The following MBOAT2 variants were observed in gnomAD, a reference collection of about 807,000 sequenced individuals.
The protein encoded by MBOAT2 is membrane-bound glycerophospholipid O-acyltransferase 2.
A neutral mutation model predicts 63.4 loss-of-function variants in MBOAT2; 28 were observed. The observed-to-expected ratio is 0.44, with a 90% confidence interval of 0.33 to 0.61. The LOEUF is 0.61. MBOAT2 is among the 20% of genes least tolerant of loss of function. The pLI is 0.03. For missense variants in MBOAT2, 470 were observed against 605.8 expected (o/e 0.78, Z 2.35); for synonymous variants, 211 against 215.6 (o/e 0.98, Z 0.19).
intron 5 of MBOAT2, among the ~76,000 whole-genome samples, chr2:8,887,687 A>C (rs2148549436): frequency 6.6e-6 from 1 of 152,308 alleles, no homozygotes; most frequent in Middle Eastern, 3.4e-3. Flanking sequence ...TATAATAAAA[A>C]TTTAACGAGG....
chr2:8,995,590 AT>A lies in MBOAT2; in HGVS notation c.75+7949del, dbSNP rs34038834. On this transcript the variant is annotated intron_variant, in intron 1 of 12. Coordinates refer to ENST00000305997, the MANE Select transcript of MBOAT2 (RefSeq NM_138799.4). Reference sequence around the variant, plus strand: ...TAAACATTTTTTAAAAATACATTCCATTTTTTTTTTTTTTTTTTGAGACGGA... The same window carrying A: ...TAAACATTTTTTAAAAATACATTCCATTTTTTTTTTTTTTTTTGAGACGGA... 4.4e-3 allele frequency among the ~76,000 whole-genome samples: 590 copies of A among 134,374 alleles called. 1 individual carries two copies. Among genetic ancestry groups the A allele is most frequent in the African/African-American group, 8.2e-3 (286 of 34,904 alleles). The allele number at this position is 134,374 out of a possible 152,430, so 88.2% of individuals were successfully genotyped here.
In MBOAT2 at chr2:8,877,213, C is replaced by A; in HGVS notation, c.507G>T (p.Arg169Ser). The A allele has an allele frequency of 6.2e-7, 1 of 1,608,270 alleles. No individual in the cohort carries two copies. The highest frequency in any genetic ancestry group is 8.5e-7 in the Non-Finnish European group (1 of 1,177,776). The change falls in exon 7 of 13, where the codon AGG (arginine) becomes AGT (serine). Residue 169 changes from arginine to serine, a missense_variant and splice_region_variant. Physicochemically the swap from Arg to Ser is moderately radical, Grantham distance 110. Coordinates refer to ENST00000305997, the MANE Select transcript of MBOAT2 (RefSeq NM_138799.4). ...AATACTCCAGTAAGCTTGGCATGCG[C>A]CTGCAATGAAAAGACATGCAACCAG... ...LTSSQRDLAVRRMPSLLEYLS... is the reference protein window; with the variant it reads ...LTSSQRDLAVSRMPSLLEYLS...
At chr2:8,859,209 C>T (rs764504494) in intron 12 of MBOAT2, among the ~76,000 whole-genome samples, 9 of 152,066 alleles carry the variant, frequency 5.9e-5, no homozygotes, top group Non-Finnish European at 1.2e-4. Context: ...ATATTAATAC[C>T]GGTAGCAATC....
At chr2:8,901,716 C>T (rs893816959) in intron 4 of MBOAT2, among the ~76,000 whole-genome samples, 4 of 152,180 alleles carry the variant, frequency 2.6e-5, no homozygotes, top group Admixed American at 2.0e-4. Flanking sequence ...ATAGTCCCCC[C>T]TACGATGGGG....
At chr2:8,900,018 G>T (rs896662143) in intron 4 of MBOAT2, among the ~76,000 whole-genome samples, 7 of 151,462 alleles carry the variant, frequency 4.6e-5, no homozygotes, top group African/African-American at 1.2e-4. Context: ...GGTGACAGGG[G>T]AGTATATTTT....
At chr2:8,924,032 T>C (rs1666764153) in intron 3 of MBOAT2, among the ~76,000 whole-genome samples, 1 of 152,198 alleles carries the variant, frequency 6.6e-6, no homozygotes, top group Admixed American at 6.5e-5. Flanking sequence ...AAAGTACTGG[T>C]AGTAAGAACA....
chr2:8,881,059 CAG>C (rs764880248), intron 6 of MBOAT2, among the ~76,000 whole-genome samples: 15 of 152,108 alleles, frequency 9.9e-5, no homozygotes, highest in Admixed American at 3.3e-4. Flanking sequence ...GATGGCCCAA[CAG>C]AGAGGGAGAA....
intron 1 of MBOAT2, among the ~76,000 whole-genome samples, chr2:8,991,928 T>A (rs1301473621): frequency 3.3e-5 from 5 of 152,226 alleles, no homozygotes; most frequent in African/African-American, 1.2e-4. Flanking sequence ...ACGGTCATGC[T>A]GTCCACACCT....
chr2:8,857,571 TTTTA>T lies in MBOAT2; in HGVS notation c.*1104_*1107del, dbSNP rs1416835881. 2.0e-5 allele frequency: 3 copies of T among 152,238 alleles called. No individual in the cohort carries two copies. The highest frequency in any genetic ancestry group is 4.8e-5 in the African/African-American group (2 of 41,460). 9.4% of individuals were successfully genotyped at this position (152,238 alleles called of 1,614,324 possible). The stretch of plus-strand genomic sequence containing the variant: ...AAAAATGTCACCCAGACTCAGTGAC[TTTTA>T]TTTTTCATTTCCCTAAAAGTTTCCC... On this transcript the variant is annotated 3_prime_UTR_variant, in exon 13 of 13. Coordinates refer to ENST00000305997, the MANE Select transcript of MBOAT2 (RefSeq NM_138799.4).
chr2:8,917,619 C>T (rs753556062), intron 3 of MBOAT2, among the ~76,000 whole-genome samples: 3 of 152,164 alleles, frequency 2.0e-5, no homozygotes, highest in Non-Finnish European at 4.4e-5. Flanking sequence ...AACTGGCGCT[C>T]GCATACACTG....
intron 8 of MBOAT2, 40 bp from the exon 9 acceptor site, chr2:8,868,589 C>T (rs545276007): frequency 4.0e-5 from 59 of 1,487,426 alleles, no homozygotes; most frequent in Non-Finnish European, 5.1e-5. Flanking sequence ...TAAGAATCTC[C>T]ATAACAATTT....
At chr2:8,969,112 A>G (rs1206125569) in intron 1 of MBOAT2, among the ~76,000 whole-genome samples, 1 of 152,212 alleles carries the variant, frequency 6.6e-6, no homozygotes, top group East Asian at 1.9e-4. Flanking sequence ...TGTTAAGGGC[A>G]GCCAGAGAGA....
intron 11 of MBOAT2, 92 bp from the exon 12 acceptor site, chr2:8,860,856 G>A (rs1269975544): frequency 9.8e-7 from 1 of 1,023,036 alleles, no homozygotes. Context: ...GAAGGATGTG[G>A]AGTAGAGTAA....
At chr2:8,986,851 C>CA (rs1434977668) in intron 1 of MBOAT2, among the ~76,000 whole-genome samples, 2 of 152,160 alleles carry the variant, frequency 1.3e-5, no homozygotes, top group South Asian at 4.1e-4. Context: ...AGCACACCCC[C>CA]AAGTGGTGGC....
chr2:8,878,992 C>T (rs1312250903), intron 6 of MBOAT2, among the ~76,000 whole-genome samples: 1 of 147,736 alleles, frequency 6.8e-6, no homozygotes, highest in South Asian at 2.1e-4. Flanking sequence ...AGGAGAATGG[C>T]GTGAACCCGG....
intron 7 of MBOAT2, among the ~76,000 whole-genome samples, chr2:8,875,477 A>G (rs1166928982): frequency 6.6e-6 from 1 of 152,222 alleles, no homozygotes; most frequent in Admixed American, 6.5e-5. Flanking sequence ...CACTTTTATA[A>G]CATTTGATAT....
At chr2:8,863,008 CA>C (rs1396913846) in intron 10 of MBOAT2, among the ~76,000 whole-genome samples, 1 of 151,934 alleles carries the variant, frequency 6.6e-6, no homozygotes, top group African/African-American at 2.4e-5. Flanking sequence ...GGAGTCTATA[CA>C]ATTTACAAAA....
In MBOAT2 at chr2:8,877,072, T is replaced by C. The variant is rs377097734; in HGVS notation, c.648A>G (p.Gly216=). The C allele has an allele frequency of 3.7e-6, 6 of 1,613,544 alleles. No homozygotes were observed. Among genetic ancestry groups the C allele is most frequent in the Non-Finnish European group, 5.1e-6 (6 of 1,179,904 alleles). Reference sequence around the variant, plus strand: ...TTCTTTCATACTGTGTCTCTTCTTTTCCATTTTCACCAGATTGTGTGATAT... The same window carrying C: ...TTCTTTCATACTGTGTCTCTTCTTTCCCATTTTCACCAGATTGTGTGATAT... The part of the protein sequence containing the change: ...SYHITQSGEN[G]KEETQYERTE... The change falls in exon 7 of 13, where the codon GGA becomes GGG. Residue 216 remains glycine, a synonymous_variant. Coordinates refer to ENST00000305997, the MANE Select transcript of MBOAT2 (RefSeq NM_138799.4).
intron 1 of MBOAT2, among the ~76,000 whole-genome samples, chr2:8,998,711 A>G (rs1672480017): frequency 6.6e-6 from 1 of 151,908 alleles, no homozygotes; most frequent in African/African-American, 2.4e-5. Context: ...TCCCTTACAC[A>G]TCATCATTTT....
Sources: gnomAD v4.1 joint callset for allele counts (sites outside exome capture counted in the v4.1 genomes callset) on GRCh38, gnomAD v4.1.1 for gene constraint, MANE v1.5 for transcripts, NCBI Gene and HGNC (gene_info 2026-07-23, HGNC 2026-07-21) for gene names.